Variants in ACYP2 observed in about 807,000 individuals in gnomAD.
The protein encoded by ACYP2 is acylphosphatase-2.
ACYP2 carries 12 observed loss-of-function variants against 11.2 expected under a neutral mutation model. The ratio of observed to expected loss-of-function variants is 1.08; its 90% CI spans 0.69 to 1.74. The LOEUF is 1.74. ACYP2 is among the 40% of genes most tolerant of loss of function. The pLI is 0.00. For missense variants in ACYP2, 134 were observed against 101.9 expected, an observed-to-expected ratio of 1.31 and a Z score of -1.35; for synonymous variants, 43 against 32.2, an observed-to-expected ratio of 1.33 and a Z score of -1.13.
At chr2:54,230,366 G>A (rs963233323) in intron 6 of ACYP2, among the ~76,000 whole-genome samples, 1 of 151,782 alleles carries the variant, frequency 6.6e-6, no homozygotes, top group Non-Finnish European at 1.5e-5. Flanking sequence ...TTCGTTTTTT[G>A]TTTTTTTGAG....
chr2:53,991,095 C>G (rs535329590), intron 2 of ACYP2, among the ~76,000 whole-genome samples: 1 of 152,120 alleles, frequency 6.6e-6, no homozygotes, highest in Admixed American at 6.6e-5. Context: ...CGTGCCCTGT[C>G]GAGAATTTGT....
At chr2:54,292,650 TTGTG>T (rs1164944308) in intron 6 of ACYP2, among the ~76,000 whole-genome samples, 1 of 139,796 alleles carries the variant, frequency 7.2e-6, no homozygotes, top group Non-Finnish European at 1.5e-5. Context: ...ACATTTCTGA[TTGTG>T]TGTGTATATA....
chr2:54,114,435 G>A (rs910642542), intron 4 of ACYP2, among the ~76,000 whole-genome samples: 22 of 148,330 alleles, frequency 1.5e-4, no homozygotes, highest in African/African-American at 5.2e-4. Context: ...TGTAATCCCA[G>A]CACTTTGGGA....
intron 4 of ACYP2, among the ~76,000 whole-genome samples, chr2:54,130,479 A>C (rs1332434593): frequency 6.6e-6 from 1 of 152,180 alleles, no homozygotes; most frequent in East Asian, 1.9e-4. Context: ...AAGCTGGGGA[A>C]GGAAATGCTT....
At chr2:53,997,680 G>A (rs1390041657) in intron 2 of ACYP2, among the ~76,000 whole-genome samples, 2 of 152,016 alleles carry the variant, frequency 1.3e-5, no homozygotes, top group Non-Finnish European at 2.9e-5. Context: ...ATTTCCTTTG[G>A]TGTAATAGGA....
rs140550931 is a variant in ACYP2 at position 54,186,791 on chromosome 2, G to T, written c.404+48043G>T. 4.5e-4 allele frequency among the ~76,000 whole-genome samples: 69 copies of T among 152,246 alleles called. No homozygotes were observed. The East Asian group carries it at 7.3e-3, about 16-fold the overall frequency. On this transcript the variant is annotated intron_variant, in intron 6 of 6. Transcript: ENST00000607452. ...AGCCTCCCCAAGTGTTGGCATTACA[G>T]GTGTGAGCCACCGTACCCGGCCAAT...
chr2:54,005,463 C>T (rs753461680), intron 2 of ACYP2, among the ~76,000 whole-genome samples: 1 of 152,218 alleles, frequency 6.6e-6, no homozygotes, highest in East Asian at 1.9e-4. Flanking sequence ...CCTGTGCCTC[C>T]CAAGTAGTTG....
intron 4 of ACYP2, among the ~76,000 whole-genome samples, chr2:54,064,615 C>T (rs907339485): frequency 4.6e-5 from 7 of 152,118 alleles, no homozygotes; most frequent in African/African-American, 1.7e-4. Context: ...TAGTTGTACA[C>T]CGTGGTAACT....
intron 6 of ACYP2, among the ~76,000 whole-genome samples, chr2:54,296,194 C>G (rs1689516156): frequency 6.6e-6 from 1 of 152,134 alleles, no homozygotes; most frequent in African/African-American, 2.4e-5. Context: ...GGGGTGGGGC[C>G]CTTTTCACAT....
intron 2 of ACYP2, among the ~76,000 whole-genome samples, chr2:54,004,656 C>G (rs532764828): frequency 6.6e-6 from 1 of 151,708 alleles, no homozygotes; most frequent in African/African-American, 2.4e-5. Flanking sequence ...GTGATCGGCC[C>G]GCCTTGGCCT....
intron 4 of ACYP2, among the ~76,000 whole-genome samples, chr2:54,106,440 T>C (rs1224436576): frequency 1.3e-5 from 2 of 152,198 alleles, no homozygotes; most frequent in Non-Finnish European, 2.9e-5. Context: ...AAAAGCTTCC[T>C]ATGTCCACGT....
intron 6 of ACYP2, among the ~76,000 whole-genome samples, chr2:54,217,393 G>T (rs1021123831): frequency 1.2e-4 from 19 of 152,096 alleles, no homozygotes; most frequent in African/African-American, 4.3e-4. Context: ...TTGAGACAGG[G>T]TCTTGCTCTG....
Position 54,101,719 on chromosome 2 carries a change from TTTCC to T in ACYP2, c.278-33726_278-33723del, listed in dbSNP as rs556757696. Among the ~76,000 whole-genome samples the T allele has an allele frequency of 1.8e-4, 27 of 152,134 alleles. No homozygotes were observed. The South Asian group carries it at 4.8e-3, about 27-fold the overall frequency. On this transcript the variant is annotated intron_variant, in intron 4 of 6. Transcript: ENST00000607452. ...CCAGGTGAAGTGTGTGTAATCTATCTTTCCTTCCTTCTTTCTTTCTTTCCTCCCT... is the reference window on the plus strand; with the variant it reads ...CCAGGTGAAGTGTGTGTAATCTATCTTTCCTTCTTTCTTTCTTTCCTCCCT...
intron 6 of ACYP2, among the ~76,000 whole-genome samples, chr2:54,299,780 T>G (rs1351907793): frequency 2.0e-5 from 3 of 152,082 alleles, no homozygotes; most frequent in African/African-American, 7.2e-5. Flanking sequence ...AAAAAAACTC[T>G]GGCCCAGGCA....
chr2:54,173,089 A>T (rs1200002099), intron 6 of ACYP2, among the ~76,000 whole-genome samples: 2 of 152,226 alleles, frequency 1.3e-5, no homozygotes, highest in African/African-American at 4.8e-5. Context: ...GTCAAATGGT[A>T]TTTCTACTTC....
At chr2:54,092,985 G>T (rs1572732008) in intron 4 of ACYP2, among the ~76,000 whole-genome samples, 1 of 152,168 alleles carries the variant, frequency 6.6e-6, no homozygotes, top group Non-Finnish European at 1.5e-5. Flanking sequence ...ATCGTTCAGA[G>T]TAGACAACTC....
At chr2:54,153,186 A>G (rs922687575) in intron 6 of ACYP2, among the ~76,000 whole-genome samples, 15 of 152,116 alleles carry the variant, frequency 9.9e-5, no homozygotes, top group African/African-American at 3.6e-4. Context: ...ACTCTTCTGC[A>G]TGTGGATGTC....
At chr2:54,111,996 A>G (rs1363716795) in intron 4 of ACYP2, among the ~76,000 whole-genome samples, 4 of 152,170 alleles carry the variant, frequency 2.6e-5, no homozygotes, top group African/African-American at 7.2e-5. Context: ...GGTTCTGTGT[A>G]TTATCTATCC....
intron 4 of ACYP2, among the ~76,000 whole-genome samples, chr2:54,127,555 C>T (rs1680603953): frequency 6.6e-6 from 1 of 151,926 alleles, no homozygotes. Flanking sequence ...CATAGTGAAA[C>T]CCCATCTCTA....
Sources: allele counts gnomAD v4.1 joint callset (sites outside exome capture counted in the v4.1 genomes callset), GRCh38; gene constraint gnomAD v4.1.1; transcripts MANE v1.5; gene names NCBI Gene and HGNC (gene_info 2026-07-23, HGNC 2026-07-21).